The following TMEM266 variants were observed in gnomAD, a reference collection of about 807,000 sequenced individuals.
TMEM266 encodes the protein Hv1 related protein 1.
TMEM266 carries 33 observed loss-of-function variants against 50.5 expected under a neutral mutation model. The ratio of observed to expected loss-of-function variants is 0.65; its 90% CI spans 0.50 to 0.87. The LOEUF (loss-of-function observed/expected upper bound fraction) is 0.87, where lower values mean the gene tolerates loss of function less well. Ranked by LOEUF, TMEM266 falls within the 40% of genes least tolerant of loss-of-function variation. The pLI is 0.00. For missense variants in TMEM266, 655 were observed against 695.1 expected, an observed-to-expected ratio of 0.94 and a Z score of 0.65; for synonymous variants, 310 against 292.3, an observed-to-expected ratio of 1.06 and a Z score of -0.62.
At chr15:76,099,697 C>G (rs1182995092) in intron 1 of TMEM266, among the ~76,000 whole-genome samples, 1 of 152,152 alleles carries the variant, frequency 6.6e-6, no homozygotes, top group South Asian at 2.1e-4. Flanking sequence ...TGCTGTCCTG[C>G]CTTCATGGGA....
intron 1 of TMEM266, among the ~76,000 whole-genome samples, chr15:76,123,917 C>T (rs915033140): frequency 1.3e-5 from 2 of 152,064 alleles, no homozygotes; most frequent in Non-Finnish European, 2.9e-5. Context: ...TTCGCCATGT[C>T]GGCCAGGCTG....
chr15:76,177,084 G>A (rs182398480), intron 8 of TMEM266, among the ~76,000 whole-genome samples: 99 of 151,716 alleles, frequency 6.5e-4, no homozygotes, highest in Admixed American at 1.0e-3. Flanking sequence ...TGTTCCCCCC[G>A]CCAGTAGCCT....
intron 1 of TMEM266, among the ~76,000 whole-genome samples, chr15:76,121,139 A>G (rs2037337939): frequency 6.6e-6 from 1 of 152,194 alleles, no homozygotes; most frequent in Non-Finnish European, 1.5e-5. Context: ...CTGAGCAAGG[A>G]TTTCTATGCC....
At chr15:76,190,969 C>T (rs2038558915) in intron 8 of TMEM266, among the ~76,000 whole-genome samples, 2 of 152,288 alleles carry the variant, frequency 1.3e-5, no homozygotes, top group Non-Finnish European at 2.9e-5. Flanking sequence ...CGCGAGCCCG[C>T]GGCCGGGACC....
At chr15:76,184,021 G>A (rs908801142) in intron 8 of TMEM266, among the ~76,000 whole-genome samples, 1 of 152,196 alleles carries the variant, frequency 6.6e-6, no homozygotes, top group Non-Finnish European at 1.5e-5. Flanking sequence ...AATGCCAACG[G>A]CTCTGCGTAG....
intron 1 of TMEM266, among the ~76,000 whole-genome samples, chr15:76,077,234 G>A (rs1379336473): frequency 1.3e-5 from 2 of 152,016 alleles, no homozygotes; most frequent in East Asian, 1.9e-4. Context: ...CCAAAGTTCG[G>A]GGATTAGATG....
chr15:76,162,093 G>A (rs1214973626), intron 5 of TMEM266, among the ~76,000 whole-genome samples: 1 of 152,152 alleles, frequency 6.6e-6, no homozygotes, highest in Non-Finnish European at 1.5e-5. Context: ...TCCCCCATAG[G>A]CACCCCCAAA....
At chr15:76,078,087 T>C (rs764560868) in intron 1 of TMEM266, among the ~76,000 whole-genome samples, 4 of 151,990 alleles carry the variant, frequency 2.6e-5, no homozygotes, top group Non-Finnish European at 4.4e-5. Flanking sequence ...CCTGAGAACA[T>C]AGAGAAGAGA....
rs1354925140 is a variant in TMEM266, at chr15:76,153,146, G to A, written c.228-3458G>A. On this transcript the variant is annotated intron_variant, in intron 3 of 10. Coordinates refer to ENST00000388942, the MANE Select transcript of TMEM266 (RefSeq NM_152335.3). The surrounding 1 kb of genome is among the most constrained non-coding windows in gnomAD (Gnocchi z 4.2). ...TAAGTTTCTCTAACAAAAAAAAAAA[G>A]AAGAAAAAAACGACATTTTAAACAG... Among the ~76,000 whole-genome samples the A allele has an allele frequency of 7.1e-6, 1 of 140,858 alleles. No individual in the cohort carries two copies. The highest frequency in any genetic ancestry group is 1.5e-5 in the Non-Finnish European group (1 of 64,548). The allele number at this position is 140,858 out of a possible 152,430, so 92.4% of individuals were successfully genotyped here.
At chr15:76,106,769 G>A (rs889395111) in intron 1 of TMEM266, among the ~76,000 whole-genome samples, 71 of 152,162 alleles carry the variant, frequency 4.7e-4, no homozygotes, top group African/African-American at 1.7e-3. Flanking sequence ...TTTGAAACAT[G>A]TATACACTGT....
intron 1 of TMEM266, among the ~76,000 whole-genome samples, chr15:76,130,662 A>T (rs565322861): frequency 3.9e-5 from 6 of 152,350 alleles, no homozygotes; most frequent in Non-Finnish European, 8.8e-5. Context: ...GGCATCTAGG[A>T]TTTATTCCAA....
chr15:76,067,687 G>GTT (rs200991149), intron 1 of TMEM266, among the ~76,000 whole-genome samples: 2 of 133,496 alleles, frequency 1.5e-5, no homozygotes, highest in Admixed American at 7.6e-5. Context: ...TCATTCTTGG[G>GTT]TTTTTTTTTT....
At chr15:76,096,932 ATTT>A (rs61532742) in intron 1 of TMEM266, among the ~76,000 whole-genome samples, 2 of 125,902 alleles carry the variant, frequency 1.6e-5, no homozygotes. Flanking sequence ...GCAACTCCTG[ATTT>A]TTTTTTTTTT....
At chr15:76,106,906 C>G (rs1002526607) in intron 1 of TMEM266, among the ~76,000 whole-genome samples, 1 of 152,120 alleles carries the variant, frequency 6.6e-6, no homozygotes, top group Non-Finnish European at 1.5e-5. Flanking sequence ...ACCATAGTCC[C>G]CATGTTGTGT....
At chr15:76,099,369 C>A (rs1168223854) in intron 1 of TMEM266, among the ~76,000 whole-genome samples, 1 of 152,214 alleles carries the variant, frequency 6.6e-6, no homozygotes, top group East Asian at 1.9e-4. Context: ...TGAGGCAACG[C>A]CCCACCCTGC....
At chr15:76,096,678 G>A (rs763106790) in intron 1 of TMEM266, among the ~76,000 whole-genome samples, 5 of 151,912 alleles carry the variant, frequency 3.3e-5, no homozygotes, top group African/African-American at 7.2e-5. Context: ...TTTCTGTCTC[G>A]TTGATCTGTC....
chr15:76,190,470 A>G (rs2038551247), intron 8 of TMEM266, among the ~76,000 whole-genome samples: 1 of 152,080 alleles, frequency 6.6e-6, no homozygotes, highest in Non-Finnish European at 1.5e-5. Context: ...TGGGTGTGGG[A>G]GAGTCCCCCT....
intron 5 of TMEM266, among the ~76,000 whole-genome samples, chr15:76,166,984 G>A (rs900915568): frequency 5.3e-5 from 8 of 152,132 alleles, no homozygotes; most frequent in Non-Finnish European, 1.2e-4. Context: ...AGAAGGGGGA[G>A]GAAGAGGAGG....
At chr15:76,182,470 A>C (rs1352368534) in intron 8 of TMEM266, among the ~76,000 whole-genome samples, 1 of 147,266 alleles carries the variant, frequency 6.8e-6, no homozygotes, top group African/African-American at 2.5e-5. Flanking sequence ...CCCCGTCTCT[A>C]CTAAAAAAAA....
Sources: allele counts gnomAD v4.1 joint callset (sites outside exome capture counted in the v4.1 genomes callset), GRCh38; gene constraint gnomAD v4.1.1; non-coding constraint Gnocchi (gnomAD v3.1); transcripts MANE v1.5; gene names NCBI Gene and HGNC (gene_info 2026-07-23, HGNC 2026-07-21).